CFAP299: variants seen among roughly 807,000 people sequenced by gnomAD.
CFAP299 encodes cilia and flagella associated protein 299.
A neutral mutation model predicts 27.0 loss-of-function variants in CFAP299; 21 were observed. That is an observed-to-expected ratio of 0.78 (90% confidence interval 0.55 to 1.12). The LOEUF (loss-of-function observed/expected upper bound fraction) is 1.12. Ranked by LOEUF, CFAP299 falls within the 50% of genes most tolerant of loss-of-function variation. CFAP299 has a pLI of 0.00. For missense variants in CFAP299, 310 were observed against 276.6 expected (o/e 1.12, Z -0.86); for synonymous variants, 104 against 98.1 (o/e 1.06, Z -0.36).
At chr4:80,517,188 A>G (rs555931478) in intron 2 of CFAP299, among the ~76,000 whole-genome samples, 9 of 152,278 alleles carry the variant, frequency 5.9e-5, no homozygotes, top group African/African-American at 1.9e-4. Flanking sequence ...ATATAAGCCA[A>G]TGTTCAGCAG....
intron 3 of CFAP299, among the ~76,000 whole-genome samples, chr4:80,764,492 G>A (rs1395289429): frequency 1.3e-5 from 2 of 152,202 alleles, no homozygotes; most frequent in Admixed American, 6.5e-5. Flanking sequence ...TTACATAGTT[G>A]GTGGGAGTGT....
At chr4:80,872,939 A>G in intron 4 of CFAP299, 1 of 952,880 alleles carries the variant, frequency 1.0e-6, no homozygotes, top group Non-Finnish European at 1.2e-6. Flanking sequence ...TTTTTCATTG[A>G]TTTTGATGGT....
At chr4:80,796,692 A>C (rs909231361) in intron 3 of CFAP299, among the ~76,000 whole-genome samples, 1 of 152,130 alleles carries the variant, frequency 6.6e-6, no homozygotes, top group Non-Finnish European at 1.5e-5. Context: ...GTACAGGCCA[A>C]ATGGGAGAGT....
chr4:80,941,652 T>G (rs1737200996), intron 4 of CFAP299, among the ~76,000 whole-genome samples: 2 of 151,590 alleles, frequency 1.3e-5, no homozygotes, highest in Admixed American at 1.3e-4. Context: ...GACTGGGTCA[T>G]TTATTTAAAA....
chr4:80,668,172 T>C (rs778645193), intron 3 of CFAP299, among the ~76,000 whole-genome samples: 2 of 147,882 alleles, frequency 1.4e-5, no homozygotes, highest in Non-Finnish European at 3.0e-5. Context: ...TTTTTTTTGC[T>C]AATTGTTCAA....
chr4:80,493,756 ATTCTT>A (rs1731269489), intron 2 of CFAP299, among the ~76,000 whole-genome samples: 1 of 118,402 alleles, frequency 8.4e-6, no homozygotes, highest in African/African-American at 3.1e-5. Flanking sequence ...TCTATCTCAT[ATTCTT>A]TTTTTTTTTT....
rs1397869917 is a variant in CFAP299, at chr4:80,612,557, T to C, written c.333+29374T>C. On this transcript the variant is annotated intron_variant, in intron 3 of 5. Coordinates refer to ENST00000358105, the MANE Select transcript of CFAP299 (RefSeq NM_152770.3). The stretch of plus-strand genomic sequence containing the variant: ...AATGAATTACTATTATTTAACATTA[T>C]GTTTTGTGAAATCTCTGTAACTGTA... Among the ~76,000 whole-genome samples, 3 of 152,254 alleles carry C rather than the reference T, an allele frequency of 2.0e-5. No homozygotes were observed. The East Asian group carries it at 5.8e-4, about 29-fold the overall frequency.
chr4:80,920,199 A>G (rs983114461), intron 4 of CFAP299, among the ~76,000 whole-genome samples: 1 of 152,106 alleles, frequency 6.6e-6, no homozygotes, highest in African/African-American at 2.4e-5. Context: ...AATATCCGTT[A>G]GACTAATATG....
chr4:80,909,713 T>A (rs1735371251), intron 4 of CFAP299, among the ~76,000 whole-genome samples: 1 of 151,892 alleles, frequency 6.6e-6, no homozygotes, highest in South Asian at 2.1e-4. Context: ...ACTCTTCTCC[T>A]TTACAAATGG....
intron 3 of CFAP299, 58 bp downstream of exon 3, chr4:80,583,241 A>T (rs569124238): frequency 8.3e-5 from 79 of 955,458 alleles, no homozygotes; most frequent in Non-Finnish European, 2.8e-5. Flanking sequence ...AATTAATATT[A>T]AAAAATGTAA....
At chr4:80,456,507 G>T (rs2110101745) in intron 2 of CFAP299, among the ~76,000 whole-genome samples, 1 of 152,182 alleles carries the variant, frequency 6.6e-6, no homozygotes, top group African/African-American at 2.4e-5. Flanking sequence ...ATATTTTGAA[G>T]ATAGAACAGG....
chr4:80,549,772 C>T (rs1256173214), intron 2 of CFAP299, among the ~76,000 whole-genome samples: 5 of 151,694 alleles, frequency 3.3e-5, no homozygotes, highest in East Asian at 1.9e-4. Context: ...TTTTTTTATT[C>T]GATTGAGCAT....
At chr4:80,401,279 G>A (rs561516893) in intron 2 of CFAP299, among the ~76,000 whole-genome samples, 12 of 152,318 alleles carry the variant, frequency 7.9e-5, no homozygotes, top group African/African-American at 2.9e-4. Context: ...CCGTGGGGAA[G>A]ATGTCTCCAG....
Position 80,588,737 on chromosome 4 carries a change from A to C in CFAP299, c.333+5554A>C, listed in dbSNP as rs371508396. Among the ~76,000 whole-genome samples, 140 of 144,134 alleles carry C rather than the reference A, an allele frequency of 9.7e-4. No homozygotes were observed. The South Asian group carries it at 0.018, about 19-fold the overall frequency. 94.6% of individuals were successfully genotyped at this position (144,134 alleles called of 152,430 possible). ...ACAGCCAATTATACTTAATTAAGAC[A>C]ATTAAAAAATGATAATAATAATGAT... On this transcript the variant is annotated intron_variant, in intron 3 of 5. Coordinates refer to ENST00000358105, the MANE Select transcript of CFAP299 (RefSeq NM_152770.3).
chr4:80,876,934 C>T (rs1407097578), intron 4 of CFAP299, among the ~76,000 whole-genome samples: 2 of 152,154 alleles, frequency 1.3e-5, no homozygotes, highest in South Asian at 2.1e-4. Flanking sequence ...TGTACCCACC[C>T]TTGCCACTTC....
chr4:80,478,049 C>T (rs958950088), intron 2 of CFAP299, among the ~76,000 whole-genome samples: 18 of 152,202 alleles, frequency 1.2e-4, no homozygotes, highest in Admixed American at 1.2e-3. Context: ...TAAACTCAAA[C>T]ATTATTGCTC....
intron 4 of CFAP299, among the ~76,000 whole-genome samples, chr4:80,882,840 G>A (rs1345008500): frequency 1.3e-5 from 2 of 152,042 alleles, no homozygotes; most frequent in African/African-American, 4.8e-5. Context: ...AGAAATGAAG[G>A]AGAGAGAAAA....
chr4:80,899,249 C>T (rs1017214822), intron 4 of CFAP299, among the ~76,000 whole-genome samples: 19 of 152,132 alleles, frequency 1.2e-4, no homozygotes, highest in African/African-American at 7.2e-5. Flanking sequence ...TGAACATTTC[C>T]GACTCTTAAA....
intron 3 of CFAP299, among the ~76,000 whole-genome samples, chr4:80,818,076 C>T (rs1273717993): frequency 6.6e-6 from 1 of 152,094 alleles, no homozygotes; most frequent in Non-Finnish European, 1.5e-5. Context: ...TCATTCAGCT[C>T]CCACTTATAC....
Sources: gnomAD v4.1 joint callset for allele counts (sites outside exome capture counted in the v4.1 genomes callset) on GRCh38, gnomAD v4.1.1 for gene constraint, MANE v1.5 for transcripts, NCBI Gene and HGNC (gene_info 2026-07-23, HGNC 2026-07-21) for gene names.